The following DSC3 variants were observed in gnomAD, a reference collection of about 807,000 sequenced individuals.
DSC3 encodes the protein desmocollin-3.
DSC3 carries 97 observed loss-of-function variants against 89.5 expected under a neutral mutation model. The ratio of observed to expected loss-of-function variants is 1.08; its 90% confidence interval spans 0.92 to 1.28. The LOEUF is 1.28. Among genes scored for constraint, DSC3 ranks in the 50% most tolerant of loss-of-function variants. The pLI, the probability that DSC3 is intolerant of heterozygous loss-of-function variation, is 0.00. For missense variants in DSC3, 1,199 were observed against 1,085.3 expected (o/e 1.10, Z -1.47); for synonymous variants, 436 against 384.1 (o/e 1.14, Z -1.58).
At position 31,029,685 on chromosome 18, in the gene DSC3, T is replaced by G. The variant is rs1985718837; in HGVS notation, c.355-57A>C. 58 of 1,604,886 alleles carry G rather than the reference T, an allele frequency of 3.6e-5. 3 individuals are homozygous for G. The South Asian group carries it at 5.4e-4, about 15-fold the overall frequency. ...AACAAAAGCATCACAGTCTACTTTG[T>G]GTAAAATAGTGGACAGCTCATAAAC... is the stretch of plus-strand genomic sequence containing the variant. On this transcript the variant is annotated intron_variant, in intron 3 of 15. Coordinates refer to ENST00000360428, the MANE Select transcript of DSC3 (RefSeq NM_001941.5).
In DSC3 at chr18:31,004,210, C is replaced by T. The variant is rs1984758858; in HGVS notation, c.2045G>A (p.Arg682Lys). 6.2e-7 allele frequency: 1 copy of T among 1,613,840 alleles called. No individual in the cohort carries two copies. Among genetic ancestry groups the T allele is most frequent in the Admixed American group, 1.7e-5 (1 of 59,970 alleles). ...TTTTCCAAGTATTACTCCTGTACTC[C>T]TTGAAGTCGCACGACACTGAGTTGG... is the stretch of plus-strand genomic sequence containing the variant. ...THPTQCRATS[R>K]STGVILGKWA... The change falls in exon 13 of 16, where the codon AGG (arginine) becomes AAG (lysine). Residue 682 changes from arginine (R) to lysine (K), a missense_variant. Transcript: ENST00000360428.
rs538379181 is a variant in DSC3 at position 30,991,074 on chromosome 18, T to C, written c.*3101A>G. Reference sequence around the variant, plus strand: ...CAGCAAAAACAAGAAACCAAGTTAATATTGTTTTATTACATCTCCCCACAT... The same window carrying C: ...CAGCAAAAACAAGAAACCAAGTTAACATTGTTTTATTACATCTCCCCACAT... On this transcript the variant is annotated 3_prime_UTR_variant, in exon 16 of 16. Transcript: ENST00000360428. The C allele has an allele frequency of 6.6e-6, 1 of 152,662 alleles. No homozygotes were observed. The highest frequency in any genetic ancestry group is 2.4e-5 in the African/African-American group (1 of 41,574). The allele number at this position is 152,662 out of a possible 1,614,324, so 9.5% of individuals were successfully genotyped here.
chr18:31,017,397 A>G (rs1040977743), intron 9 of DSC3, among the ~76,000 whole-genome samples: 6 of 152,208 alleles, frequency 3.9e-5, no homozygotes, highest in South Asian at 2.1e-4. Context: ...GGCTAGAAGT[A>G]TAAAACCAAT....
intron 13 of DSC3, 139 bp downstream of exon 13, chr18:31,004,003 C>A (rs1984750544): frequency 6.1e-6 from 4 of 650,522 alleles, no homozygotes; most frequent in African/African-American, 5.5e-5. Flanking sequence ...TCAAACACAA[C>A]TCAGGTAATA....
chr18:31,000,202 A>AAAG (rs1984606390), intron 14 of DSC3, among the ~76,000 whole-genome samples: 1 of 152,156 alleles, frequency 6.6e-6, no homozygotes, highest in Admixed American at 6.6e-5. Flanking sequence ...CTGGATATGT[A>AAAG]GTCGTTGTCC....
chr18:31,033,299 C>T (rs1379653396), intron 1 of DSC3, among the ~76,000 whole-genome samples: 1 of 151,834 alleles, frequency 6.6e-6, no homozygotes, highest in Admixed American at 6.6e-5. Flanking sequence ...TCTAGAAATA[C>T]AAGTTACCCA....
At chr18:31,037,777 G>C (rs1300849544) in intron 1 of DSC3, among the ~76,000 whole-genome samples, 2 of 152,046 alleles carry the variant, frequency 1.3e-5, no homozygotes, top group African/African-American at 4.8e-5. Flanking sequence ...GCACAAGCCT[G>C]TAATCCCAGC....
chr18:31,028,884 C>T (rs1302056930), intron 4 of DSC3, among the ~76,000 whole-genome samples: 1 of 152,134 alleles, frequency 6.6e-6, no homozygotes, highest in Non-Finnish European at 1.5e-5. Context: ...AGCCTCATCT[C>T]CCTGCTCCAT....
chr18:30,995,322 C>T (rs949430776), intron 15 of DSC3, among the ~76,000 whole-genome samples: 70 of 152,208 alleles, frequency 4.6e-4, no homozygotes, highest in African/African-American at 1.7e-3. Context: ...CCATCTCAAC[C>T]TGATATTACA....
intron 4 of DSC3, 109 bp downstream of exon 4, chr18:31,029,400 C>T (rs1985704128): frequency 4.3e-6 from 6 of 1,402,536 alleles, no homozygotes; most frequent in Non-Finnish European, 9.9e-7. Flanking sequence ...ACCTCATGAA[C>T]ATCTTTAATC....
intron 9 of DSC3, among the ~76,000 whole-genome samples, chr18:31,009,570 G>T (rs1984988145): frequency 6.6e-6 from 1 of 152,086 alleles, no homozygotes; most frequent in South Asian, 2.1e-4. Flanking sequence ...TTATACTTTG[G>T]CATTGTCTAT....
At position 31,030,979 on chromosome 18, in the gene DSC3, C is replaced by T; in HGVS notation, c.348G>A (p.Gln116=). The T allele has an allele frequency of 6.2e-7, 1 of 1,613,372 alleles. No homozygotes were observed. The highest frequency in any genetic ancestry group is 8.5e-7 in the Non-Finnish European group (1 of 1,179,380). ...TTTAATGTACTTTAAATACCTTCTT[C>T]TGATGTTCTAGCAGCACAGTAACCT... ...QKEVTVLLEH[Q]KKVSKTRHTR... is the part of the protein sequence containing the mutation. The change falls in exon 3 of 16, where the codon CAG becomes CAA. Residue 116 remains glutamine, a synonymous_variant. Coordinates refer to ENST00000360428, the MANE Select transcript of DSC3 (RefSeq NM_001941.5).
At chr18:31,012,899 A>C (rs185762230) in intron 9 of DSC3, among the ~76,000 whole-genome samples, 2 of 152,308 alleles carry the variant, frequency 1.3e-5, no homozygotes, top group East Asian at 3.9e-4. Context: ...TAGGAGAAAA[A>C]TGCTAATTCT....
At chr18:31,030,705 A>C (rs1016247108) in intron 3 of DSC3, among the ~76,000 whole-genome samples, 41 of 151,634 alleles carry the variant, frequency 2.7e-4, no homozygotes, top group African/African-American at 9.9e-4. Context: ...AGAAAAAGGG[A>C]GAGAGGGAAG....
intron 15 of DSC3, among the ~76,000 whole-genome samples, chr18:30,995,991 A>AG (rs1984444215): frequency 6.8e-6 from 1 of 147,962 alleles, no homozygotes; most frequent in Admixed American, 6.8e-5. Context: ...AAAAAAAAAA[A>AG]AAAAAAAAGA....
intron 5 of DSC3, 71 bp from the exon 6 acceptor site, chr18:31,024,564 C>CT (rs1340277162): frequency 1.3e-6 from 2 of 1,508,834 alleles, no homozygotes; most frequent in Non-Finnish European, 8.9e-7. Flanking sequence ...GCTTTATCTA[C>CT]TACCTGCCTT....
At chr18:31,026,836 T>A (rs1985614650) in intron 4 of DSC3, among the ~76,000 whole-genome samples, 2 of 152,116 alleles carry the variant, frequency 1.3e-5, no homozygotes, top group African/African-American at 4.8e-5. Context: ...ACAAAAATGA[T>A]ATGTGCAAAA....
intron 9 of DSC3, among the ~76,000 whole-genome samples, chr18:31,016,271 C>T (rs1436055074): frequency 1.3e-5 from 2 of 152,202 alleles, no homozygotes; most frequent in African/African-American, 4.8e-5. Flanking sequence ...TGTGAAGCCA[C>T]CATTTTCCTT....
chr18:30,997,919 C>T (rs1984531414), intron 14 of DSC3, among the ~76,000 whole-genome samples: 1 of 152,112 alleles, frequency 6.6e-6, no homozygotes, highest in Non-Finnish European at 1.5e-5. Flanking sequence ...GGGTCCCCAA[C>T]TTCAATCAGT....
Sources: gnomAD v4.1 joint callset for allele counts (sites outside exome capture counted in the v4.1 genomes callset) on GRCh38, gnomAD v4.1.1 for gene constraint, MANE v1.5 for transcripts, NCBI Gene and HGNC (gene_info 2026-07-23, HGNC 2026-07-21) for gene names.